The following KDM3B variants were observed in gnomAD, a reference collection of about 807,000 sequenced individuals.
KDM3B encodes lysine demethylase 3B.
KDM3B carries 10 observed loss-of-function variants against 170.0 expected under a neutral mutation model. The observed-to-expected ratio is 0.06, with a 90% CI of 0.04 to 0.10. The LOEUF (loss-of-function observed/expected upper bound fraction) is 0.10, where lower values mean the gene tolerates loss of function less well. Among genes scored for constraint, KDM3B ranks in the 10% least tolerant of loss-of-function variants. KDM3B has a pLI of 1.00. For missense variants in KDM3B, 1,394 were observed against 2,195.2 expected (o/e 0.64, Z 7.29); for synonymous variants, 831 against 834.8 (o/e 1.00, Z 0.08).
At position 138,420,914 on chromosome 5, in the gene KDM3B, C is replaced by A; in HGVS notation, c.3924C>A (p.Pro1308=). The change falls in exon 15 of 24, where the codon CCC becomes CCA. Residue 1308 remains proline, a synonymous_variant. Transcript: ENST00000314358. ...GGCCGGGAAAACTTCCTCAAACCCC[C>A]TTGGACACAGGCATACCCTTTCCCC... ...HSGPGKLPQT[P]LDTGIPFPPV... 4 of 1,614,136 alleles carry A rather than the reference C, an allele frequency of 2.5e-6. No individual in the cohort carries two copies. The South Asian group carries it at 3.3e-5, about 13-fold the overall frequency.
At chr5:138,390,967 T>G (rs761474453) in intron 7 of KDM3B, 46 bp from the exon 8 acceptor site, 20 of 1,491,726 alleles carry the variant, frequency 1.3e-5, no homozygotes, top group Non-Finnish European at 1.2e-5. Flanking sequence ...ATCATTAGAT[T>G]GTCATGAGAA....
intron 11 of KDM3B, among the ~76,000 whole-genome samples, chr5:138,408,033 G>C (rs972888775): frequency 2.0e-5 from 3 of 152,176 alleles, no homozygotes; most frequent in African/African-American, 7.2e-5. Flanking sequence ...ATAGATGTTA[G>C]CAGTTATGAA....
chr5:138,432,350 T>C (rs1470300509), intron 23 of KDM3B, among the ~76,000 whole-genome samples: 1 of 152,142 alleles, frequency 6.6e-6, no homozygotes, highest in Non-Finnish European at 1.5e-5. Flanking sequence ...TTTCCTCTGC[T>C]CTTGAAATGG....
In KDM3B at chr5:138,430,146, T is replaced by A. The variant is rs1473500409; in HGVS notation, c.4894-103T>A. 51 of 1,407,130 alleles carry A rather than the reference T, an allele frequency of 3.6e-5. 1 individual carries two copies. The highest frequency in any genetic ancestry group is 4.6e-5 in the Non-Finnish European group (48 of 1,033,860). The allele number at this position is 1,407,130 out of a possible 1,614,324, so 87.2% of individuals were successfully genotyped here. A position where few individuals can be genotyped will look rare whatever the true frequency, so the allele number is the denominator to read the frequency against. Reference sequence around the variant, plus strand: ...CTAGAGGATGTTGACTAGAATAAAGTTTTGCCATCCCCACCCCATCTTAGG... The same window carrying A: ...CTAGAGGATGTTGACTAGAATAAAGATTTGCCATCCCCACCCCATCTTAGG... On this transcript the variant is annotated intron_variant, in intron 21 of 23. Coordinates refer to ENST00000314358, the MANE Select transcript of KDM3B (RefSeq NM_016604.4).
At chr5:138,410,894 A>C (rs1490249637) in intron 11 of KDM3B, among the ~76,000 whole-genome samples, 1 of 152,200 alleles carries the variant, frequency 6.6e-6, no homozygotes, top group African/African-American at 2.4e-5. Context: ...TTCTACTGCT[A>C]TCTAGAAGGC....
chr5:138,387,716 C>T (rs981182761), intron 7 of KDM3B, among the ~76,000 whole-genome samples: 19 of 152,158 alleles, frequency 1.2e-4, no homozygotes, highest in African/African-American at 4.6e-4. Context: ...ACCAGCATTC[C>T]CAAGATAACC....
intron 20 of KDM3B, 135 bp downstream of exon 20, chr5:138,428,221 G>A: frequency 1.1e-6 from 1 of 920,900 alleles, no homozygotes; most frequent in Non-Finnish European, 1.6e-6. Flanking sequence ...TTTTTTGGGG[G>A]GCGGGGAGGC....
intron 20 of KDM3B, among the ~76,000 whole-genome samples, chr5:138,428,954 T>C (rs1763464473): frequency 6.8e-6 from 1 of 147,366 alleles, no homozygotes; most frequent in African/African-American, 2.5e-5. Flanking sequence ...TTTTTTTTTT[T>C]TTTTTTTTTT....
Position 138,393,167 on chromosome 5 carries a change from A to G in KDM3B, c.2630-4A>G. 1 of 1,613,688 alleles carries G rather than the reference A, an allele frequency of 6.2e-7. No individual in the cohort carries two copies. Among genetic ancestry groups the G allele is most frequent in the South Asian group, 1.1e-5 (1 of 91,048 alleles). ...AAACTTTTCTTCTCTCCCCCTTGCC[A>G]CAGTTGGCCAGTCAGTGCTGAAAGA... On this transcript the variant is annotated splice_polypyrimidine_tract_variant and splice_region_variant and intron_variant, in intron 8 of 23. Coordinates refer to ENST00000314358, the MANE Select transcript of KDM3B (RefSeq NM_016604.4).
rs1448033549 is a variant in KDM3B, at chr5:138,431,417, C to G, written c.5071-8C>G. On this transcript the variant is annotated splice_region_variant and splice_polypyrimidine_tract_variant and intron_variant, in intron 22 of 23. Transcript: ENST00000314358. ...TGATATTTCTCCTCTGCACTTTGCC[C>G]TTCTCAGGTTCACAATCTATACAGT... 2 of 1,584,002 alleles carry G rather than the reference C, an allele frequency of 1.3e-6. No homozygotes were observed. The highest frequency in any genetic ancestry group is 4.6e-5 in the East Asian group (2 of 43,874).
At chr5:138,434,852 G>A (rs1051053208) in intron 23 of KDM3B, among the ~76,000 whole-genome samples, 23 of 152,118 alleles carry the variant, frequency 1.5e-4, no homozygotes, top group Non-Finnish European at 2.9e-4. Flanking sequence ...AAAAATTAAT[G>A]GAGAATAGTA....
At chr5:138,354,320 G>A (rs1277291984) in intron 1 of KDM3B, among the ~76,000 whole-genome samples, 2 of 152,138 alleles carry the variant, frequency 1.3e-5, no homozygotes, top group African/African-American at 4.8e-5. Flanking sequence ...TTAAGGGGAT[G>A]GAATGATGAT....
At chr5:138,353,744 T>C (rs1221612493) in intron 1 of KDM3B, among the ~76,000 whole-genome samples, 1 of 152,190 alleles carries the variant, frequency 6.6e-6, no homozygotes, top group African/African-American at 2.4e-5. Flanking sequence ...TTTGAAACTT[T>C]GTGTTTGGGC....
chr5:138,358,860 G>A (rs923961588), intron 1 of KDM3B, among the ~76,000 whole-genome samples: 3 of 151,560 alleles, frequency 2.0e-5, no homozygotes, highest in African/African-American at 7.3e-5. Flanking sequence ...AGTTACACGT[G>A]TATACATGTG....
intron 16 of KDM3B, among the ~76,000 whole-genome samples, chr5:138,425,020 T>C (rs1322400500): frequency 6.6e-6 from 1 of 152,048 alleles, no homozygotes; most frequent in Non-Finnish European, 1.5e-5. Flanking sequence ...GCCACACAAG[T>C]TTTTTGATAG....
chr5:138,362,587 A>AC (rs1561755732), intron 1 of KDM3B, among the ~76,000 whole-genome samples: 21,466 of 77,982 alleles, frequency 0.28, 1,772 homozygotes, highest in East Asian at 0.48. Context: ...CACACACACA[A>AC]AATATCTTAA....
At chr5:138,359,451 C>T (rs1023785641) in intron 1 of KDM3B, among the ~76,000 whole-genome samples, 4 of 149,858 alleles carry the variant, frequency 2.7e-5, no homozygotes, top group South Asian at 4.2e-4. Flanking sequence ...TGTGAGCCAC[C>T]GTGCCCCCCC....
intron 1 of KDM3B, among the ~76,000 whole-genome samples, chr5:138,357,926 A>G (rs543569799): frequency 6.6e-6 from 1 of 151,608 alleles, no homozygotes; most frequent in Non-Finnish European, 1.5e-5. Context: ...ACCTCAGGTG[A>G]TCCACCCACC....
chr5:138,367,630 A>G (rs1745576042), intron 1 of KDM3B, among the ~76,000 whole-genome samples: 1 of 152,188 alleles, frequency 6.6e-6, no homozygotes. Context: ...GTGTTGTACC[A>G]TTTGCTACTT....
Sources: allele counts gnomAD v4.1 joint callset (sites outside exome capture counted in the v4.1 genomes callset), GRCh38; gene constraint gnomAD v4.1.1; transcripts MANE v1.5; gene names NCBI Gene and HGNC (gene_info 2026-07-23, HGNC 2026-07-21).